VMP1: variants seen among roughly 807,000 people sequenced by gnomAD.
VMP1 encodes vacuole membrane protein 1.
VMP1 carries 11 observed loss-of-function variants against 56.0 expected under a neutral mutation model. The ratio of observed to expected loss-of-function variants is 0.20; its 90% confidence interval spans 0.12 to 0.32. The LOEUF (loss-of-function observed/expected upper bound fraction) is 0.32. Among genes scored for constraint, VMP1 ranks in the 10% least tolerant of loss-of-function variants. VMP1 has a pLI of 1.00. For missense variants in VMP1, 296 were observed against 490.3 expected (o/e 0.60, Z 3.74); for synonymous variants, 149 against 165.0 (o/e 0.90, Z 0.74).
chr17:59,739,900 C>T (rs1306931051), intron 5 of VMP1, among the ~76,000 whole-genome samples: 2 of 151,012 alleles, frequency 1.3e-5, no homozygotes, highest in Non-Finnish European at 2.9e-5. Context: ...ATGGTGAAAC[C>T]CCGTCTCTAC....
At chr17:59,825,397 A>C (rs545365936) in intron 10 of VMP1, among the ~76,000 whole-genome samples, 11 of 152,080 alleles carry the variant, frequency 7.2e-5, no homozygotes, top group African/African-American at 2.7e-4. Flanking sequence ...ATTACGATTT[A>C]ATACTAATTT....
intron 9 of VMP1, among the ~76,000 whole-genome samples, chr17:59,812,624 G>A (rs2665403): frequency 0.19 from 28,235 of 152,132 alleles, 3,226 homozygotes; most frequent in East Asian, 0.44. Context: ...AACAAAGAAC[G>A]TTATTAACCA....
intron 6 of VMP1, among the ~76,000 whole-genome samples, chr17:59,770,924 A>G (rs796354918): frequency 8.6e-5 from 13 of 151,708 alleles, no homozygotes; most frequent in African/African-American, 2.9e-4. Flanking sequence ...TACTGACTAA[A>G]TTCTAATTAG....
Position 59,773,866 on chromosome 17 carries a change from A to G in VMP1, c.695A>G (p.Glu232Gly). The G allele has an allele frequency of 3.1e-6, 5 of 1,613,092 alleles. No homozygotes were observed. Among genetic ancestry groups the G allele is most frequent in the Non-Finnish European group, 4.2e-6 (5 of 1,179,588 alleles). ...TATCAGGAATTTGAAGAGATGCTGG[A>G]ACATGCAGAGTCTGCACAAGTAAGA... The part of the protein sequence containing the change: ...EEYQEFEEML[E>G]HAESAQDFAS... The change falls in exon 7 of 12, where the codon GAA becomes GGA. Residue 232 changes from glutamate (E) to glycine (G), a missense_variant. Transcript: ENST00000262291.
chr17:59,737,413 T>G, intron 3 of VMP1, 40 bp from the exon 4 acceptor site: 1 of 1,577,070 alleles, frequency 6.3e-7, no homozygotes, highest in Non-Finnish European at 8.6e-7. Context: ...ATGCTGAAAG[T>G]GAGACTGTGA....
intron 7 of VMP1, among the ~76,000 whole-genome samples, chr17:59,807,074 A>G (rs2037866055): frequency 6.6e-6 from 1 of 152,170 alleles, no homozygotes; most frequent in South Asian, 2.1e-4. Context: ...ATGTTTTTGT[A>G]AGTGGGGATA....
intron 4 of VMP1, among the ~76,000 whole-genome samples, chr17:59,737,786 TA>T (rs2035070916): frequency 6.6e-6 from 1 of 152,028 alleles, no homozygotes; most frequent in African/African-American, 2.4e-5. Flanking sequence ...TTTTTTTTTT[TA>T]AAGACAGAGT....
chr17:59,732,484 C>T (rs2034865230), intron 2 of VMP1, among the ~76,000 whole-genome samples: 1 of 152,164 alleles, frequency 6.6e-6, no homozygotes, highest in Non-Finnish European at 1.5e-5. Context: ...CTCGGGTGAT[C>T]CACCCACCTT....
In VMP1 at chr17:59,838,209, G is replaced by A; in HGVS notation, c.975-86G>A. 3 of 1,056,646 alleles carry A rather than the reference G, an allele frequency of 2.8e-6. No homozygotes were observed. In the South Asian group the frequency reaches 4.5e-5, roughly 16 times the overall value. 65.5% of individuals were successfully genotyped at this position (1,056,646 alleles called of 1,614,324 possible). A position where few individuals can be genotyped will look rare whatever the true frequency, so the allele number is the denominator to read the frequency against. ...ATCCAATCCCTGCCTTTTGAGTCCA[G>A]GTGGTAAGTACATTTTCTTTAACGT... On this transcript the variant is annotated intron_variant, in intron 10 of 11. Transcript: ENST00000262291.
chr17:59,733,173 A>G (rs987763771), intron 2 of VMP1, among the ~76,000 whole-genome samples: 1 of 151,620 alleles, frequency 6.6e-6, no homozygotes. Context: ...GTGACAGAGC[A>G]AGACCCTGTC....
intron 1 of VMP1, among the ~76,000 whole-genome samples, chr17:59,718,499 C>CT (rs2034263997): frequency 6.6e-6 from 1 of 150,712 alleles, no homozygotes; most frequent in Non-Finnish European, 1.5e-5. Context: ...CCCGGCCCCT[C>CT]CTTTCTTTTC....
rs144448611 is a variant in VMP1, at chr17:59,748,714, A to G, written c.414+9767A>G. On this transcript the variant is annotated intron_variant, in intron 5 of 11. Transcript: ENST00000262291. ...TGAAATGTAATAATTTTCAATTTATATGCTTTAGCTGGTCTTAACAAATTA... is the reference window on the plus strand; with the variant it reads ...TGAAATGTAATAATTTTCAATTTATGTGCTTTAGCTGGTCTTAACAAATTA... Among the ~76,000 whole-genome samples the G allele has an allele frequency of 2.6e-3, 392 of 152,256 alleles. 1 individual carries two copies. Among genetic ancestry groups the G allele is most frequent in the African/African-American group, 8.4e-3 (349 of 41,558 alleles).
chr17:59,800,321 A>G (rs532363540), intron 7 of VMP1, among the ~76,000 whole-genome samples: 4 of 152,332 alleles, frequency 2.6e-5, no homozygotes, highest in South Asian at 2.1e-4. Context: ...ATTGTCTACT[A>G]TGCTGAAAAA....
chr17:59,819,990 G>A (rs144021846), intron 10 of VMP1, among the ~76,000 whole-genome samples: 2 of 152,202 alleles, frequency 1.3e-5, no homozygotes, highest in East Asian at 3.9e-4. Context: ...TTCATCTACC[G>A]ATATATCCAG....
chr17:59,832,937 A>G (rs2038865629), intron 10 of VMP1, among the ~76,000 whole-genome samples: 1 of 152,006 alleles, frequency 6.6e-6, no homozygotes, highest in Admixed American at 6.6e-5. Flanking sequence ...GAATTTAATC[A>G]GAGCTTAAGG....
chr17:59,839,463 A>C, intron 11 of VMP1: 1 of 293,574 alleles, frequency 3.4e-6, no homozygotes, highest in Non-Finnish European at 6.3e-6. Context: ...CTGCATGGCG[A>C]CTTCAGAGTT....
In VMP1 at chr17:59,801,091, AAT is replaced by A. The variant is rs66523131; in HGVS notation, c.715-7684_715-7683del. Among the ~76,000 whole-genome samples, 69 of 109,322 alleles carry A rather than the reference AAT, an allele frequency of 6.3e-4. 2 individuals carry two copies. The highest frequency in any genetic ancestry group is 2.4e-3 in the African/African-American group (60 of 24,870). The allele number at this position is 109,322 out of a possible 152,430, so 71.7% of individuals were successfully genotyped here. ...CAAGACTCCATCTCGAAAAAAAAAA[AAT>A]ATATATATATATATATATATGTGTG... On this transcript the variant is annotated intron_variant, in intron 7 of 11. Coordinates refer to ENST00000262291, the MANE Select transcript of VMP1 (RefSeq NM_030938.5).
At chr17:59,814,504 A>C (rs2038160713) in intron 9 of VMP1, among the ~76,000 whole-genome samples, 1 of 152,192 alleles carries the variant, frequency 6.6e-6, no homozygotes, top group Non-Finnish European at 1.5e-5. Flanking sequence ...TGCCTTCTTA[A>C]CTTTAATGTA....
chr17:59,727,482 T>G (rs1026138060), intron 1 of VMP1, among the ~76,000 whole-genome samples: 3 of 152,178 alleles, frequency 2.0e-5, no homozygotes, highest in South Asian at 2.1e-4. Context: ...TCATCTAATT[T>G]TATTAAAATG....
Sources: gnomAD v4.1 joint callset for allele counts (sites outside exome capture counted in the v4.1 genomes callset) on GRCh38, gnomAD v4.1.1 for gene constraint, MANE v1.5 for transcripts, NCBI Gene and HGNC (gene_info 2026-07-23, HGNC 2026-07-21) for gene names.